Variants in XRCC4 observed in about 807,000 individuals in gnomAD.
XRCC4 encodes the protein X-ray repair cross complementing 4, also known as DNA repair protein XRCC4.
A neutral mutation model predicts 39.1 loss-of-function variants in XRCC4; 28 were observed. That is an observed-to-expected ratio of 0.72 (90% CI 0.53 to 0.98). XRCC4 has a LOEUF of 0.98. Ranked by LOEUF, XRCC4 falls within the 50% of genes least tolerant of loss-of-function variation. The pLI is 0.00. For missense variants in XRCC4, 350 were observed against 376.4 expected, an observed-to-expected ratio of 0.93 and a Z score of 0.58; for synonymous variants, 123 against 126.4, an observed-to-expected ratio of 0.97 and a Z score of 0.18.
chr5:83,311,509 T>C (rs1047036594), intron 7 of XRCC4, among the ~76,000 whole-genome samples: 6 of 152,148 alleles, frequency 3.9e-5, no homozygotes, highest in East Asian at 3.9e-4. Context: ...AATTAAAAAA[T>C]AGAAAAAAAT....
the XRCC4 span, among the ~76,000 whole-genome samples, chr5:83,371,365 G>A: frequency 6.6e-6 from 1 of 152,102 alleles, no homozygotes; most frequent in Admixed American, 6.6e-5. Flanking sequence ...CAGACTGTCA[G>A]TTTATAAAGA....
rs1750916828 is a variant in XRCC4, at chr5:83,195,860, G to A, written c.406G>A (p.Glu136Lys). ...LICYCLDTIA[E>K]NQAKNEHLQK... ...TTGTTATTGCTTGGACACCATTGCA[G>A]AAAATCAAGCCAAAAATGAGCACCT... Residue 136 changes from glutamate (E) to lysine (K), a missense_variant, in exon 4 of 8, where the codon GAA (glutamate) becomes AAA (lysine). By Grantham distance (56) the Glu-to-Lys change is moderately conservative (BLOSUM62 1). Transcript: ENST00000396027. 1 of 1,611,906 alleles carries A rather than the reference G, an allele frequency of 6.2e-7. No individual in the cohort carries two copies. The highest frequency in any genetic ancestry group is 1.3e-5 in the African/African-American group (1 of 74,848).
At chr5:83,341,654 C>A (rs746298685) in intron 7 of XRCC4, among the ~76,000 whole-genome samples, 1 of 151,878 alleles carries the variant, frequency 6.6e-6, no homozygotes, top group Non-Finnish European at 1.5e-5. Flanking sequence ...TTAGTGATGA[C>A]CCCCCCACTC....
intron 4 of XRCC4, among the ~76,000 whole-genome samples, chr5:83,196,846 C>T (rs1257981461): frequency 6.6e-6 from 1 of 151,682 alleles, no homozygotes; most frequent in African/African-American, 2.4e-5. Flanking sequence ...TTAGCGCAAC[C>T]ATTGTGATTG....
intron 6 of XRCC4, among the ~76,000 whole-genome samples, chr5:83,244,032 T>C (rs1429468152): frequency 6.6e-6 from 1 of 152,204 alleles, no homozygotes; most frequent in African/African-American, 2.4e-5. Flanking sequence ...CTTTCAAATA[T>C]AATGTGCAAA....
intron 7 of XRCC4, among the ~76,000 whole-genome samples, chr5:83,275,693 T>C (rs983679418): frequency 1.3e-5 from 2 of 152,154 alleles, no homozygotes; most frequent in Non-Finnish European, 2.9e-5. Flanking sequence ...GAGATAAAGA[T>C]TGGAGAGTCC....
At position 83,299,803 on chromosome 5, in the gene XRCC4, ATTTC is replaced by A. The variant is rs550212521; in HGVS notation, c.893+41130_893+41133del. Among the ~76,000 whole-genome samples, 66 of 152,012 alleles carry A rather than the reference ATTTC, an allele frequency of 4.3e-4. 1 individual carries two copies. Among genetic ancestry groups the A allele is most frequent in the Middle Eastern group, 3.4e-3 (1 of 294 alleles). ...TGTTATCATTTTAAGCTTATCTTTTATTTCTTTAAGTATCATCAACATGGTTATT... is the reference window on the plus strand; with the variant it reads ...TGTTATCATTTTAAGCTTATCTTTTATTTAAGTATCATCAACATGGTTATT... On this transcript the variant is annotated intron_variant, in intron 7 of 7. Transcript: ENST00000396027.
intron 3 of XRCC4, among the ~76,000 whole-genome samples, chr5:83,140,900 A>G (rs1039866883): frequency 3.9e-5 from 6 of 152,174 alleles, no homozygotes; most frequent in Non-Finnish European, 8.8e-5. Context: ...CTCTTACCCT[A>G]CTACACTCTT....
At chr5:83,213,465 A>T (rs1011224826) in intron 6 of XRCC4, among the ~76,000 whole-genome samples, 1 of 152,158 alleles carries the variant, frequency 6.6e-6, no homozygotes, top group Admixed American at 6.5e-5. Flanking sequence ...ATAATAGGAC[A>T]AATTGGATAA....
At chr5:83,125,835 T>A (rs1747231965) in intron 3 of XRCC4, among the ~76,000 whole-genome samples, 1 of 152,056 alleles carries the variant, frequency 6.6e-6, no homozygotes, top group Admixed American at 6.6e-5. Flanking sequence ...ACTAAAAAAT[T>A]AGCCAGGTGT....
intron 1 of XRCC4, among the ~76,000 whole-genome samples, chr5:83,091,172 A>G (rs967532763): frequency 6.6e-6 from 1 of 152,168 alleles, no homozygotes; most frequent in Non-Finnish European, 1.5e-5. Flanking sequence ...TCACACTGCT[A>G]TGAGGAACTG....
chr5:83,181,144 T>A (rs1262318552), intron 3 of XRCC4, among the ~76,000 whole-genome samples: 1 of 151,690 alleles, frequency 6.6e-6, no homozygotes, highest in East Asian at 1.9e-4. Flanking sequence ...AGATATTATC[T>A]ATTATCTTTT....
intron 3 of XRCC4, among the ~76,000 whole-genome samples, chr5:83,129,073 T>G (rs9764989): frequency 6.6e-6 from 1 of 151,658 alleles, no homozygotes; most frequent in Non-Finnish European, 1.5e-5. Context: ...TGAATGGTAA[T>G]GCCTAGGTTT....
intron 3 of XRCC4, among the ~76,000 whole-genome samples, chr5:83,140,117 T>C (rs1055071935): frequency 6.6e-6 from 1 of 152,198 alleles, no homozygotes. Context: ...ACAGAACTAA[T>C]AGGATATATG....
intron 7 of XRCC4, among the ~76,000 whole-genome samples, chr5:83,316,820 C>T (rs1415480431): frequency 0.013 from 1,691 of 128,168 alleles, 30 homozygotes; most frequent in African/African-American, 0.046. Flanking sequence ...CAAGGATACC[C>T]AGGAATTGAA....
At chr5:83,300,546 T>TTGTTTG (rs553852441) in intron 7 of XRCC4, among the ~76,000 whole-genome samples, 1 of 126,990 alleles carries the variant, frequency 7.9e-6, no homozygotes, top group Non-Finnish European at 1.6e-5. Flanking sequence ...TATCTTTTGT[T>TTGTTTG]TGTGTGTGTG....
chr5:83,310,669 A>T, intron 7 of XRCC4: 1 of 405,932 alleles, frequency 2.5e-6, no homozygotes. Context: ...GAATCTGTGA[A>T]TGTTAGCTTT....
At chr5:83,325,831 G>A (rs1220100221) in intron 7 of XRCC4, among the ~76,000 whole-genome samples, 1 of 151,944 alleles carries the variant, frequency 6.6e-6, no homozygotes, top group African/African-American at 2.4e-5. Flanking sequence ...TACAGTAATG[G>A]GATTGCTGGG....
chr5:83,109,429 G>C (rs182016055), intron 2 of XRCC4, among the ~76,000 whole-genome samples: 2 of 151,902 alleles, frequency 1.3e-5, no homozygotes, highest in African/African-American at 4.8e-5. Context: ...AATAATATCT[G>C]TTTTTCAGTT....
Sources: gnomAD v4.1 joint callset for allele counts (sites outside exome capture counted in the v4.1 genomes callset) on GRCh38, gnomAD v4.1.1 for gene constraint, MANE v1.5 for transcripts, NCBI Gene and HGNC (gene_info 2026-07-23, HGNC 2026-07-21) for gene names.